The following AGBL4 variants were observed in gnomAD, a reference collection of about 807,000 sequenced individuals.
The protein encoded by AGBL4 is AGBL carboxypeptidase 4.
AGBL4 carries 58 observed loss-of-function variants against 66.4 expected under a neutral mutation model. The ratio of observed to expected loss-of-function variants is 0.87; its 90% CI spans 0.71 to 1.09. AGBL4 has a LOEUF of 1.09. Ranked by LOEUF, AGBL4 falls within the 50% of genes least tolerant of loss-of-function variation. AGBL4 has a pLI of 0.00. For missense variants in AGBL4, 579 were observed against 631.0 expected (o/e 0.92, Z 0.88); for synonymous variants, 234 against 222.9 (o/e 1.05, Z -0.44).
In AGBL4 at chr1:49,948,574, TATATATATAG is replaced by T. The variant is rs1473847923; in HGVS notation, c.34+75179_34+75188del. 5.0e-4 allele frequency among the ~76,000 whole-genome samples: 61 copies of T among 121,634 alleles called. 2 individuals carry two copies. Among genetic ancestry groups the T allele is most frequent in the African/African-American group, 1.9e-3 (56 of 29,448 alleles). The allele number at this position is 121,634 out of a possible 152,430, so 79.8% of individuals were successfully genotyped here. On this transcript the variant is annotated intron_variant, in intron 1 of 13. Coordinates refer to ENST00000371839, the MANE Select transcript of AGBL4 (RefSeq NM_032785.4). ...ATATAAATATATAAAAATATATATATATATATATAGAGAGAGAGAGAGAGAGAGAGAGATA... is the reference window on the plus strand; with the variant it reads ...ATATAAATATATAAAAATATATATATAGAGAGAGAGAGAGAGAGAGAGATA...
At position 49,384,678 on chromosome 1, in the gene AGBL4, G is replaced by A. The variant is rs111448976; in HGVS notation, c.283-138814C>T. ...TTACTCTCATTATCACCAGAGAAAT[G>A]CAAGTCAAAACCACAATACCTATCA... is the stretch of plus-strand genomic sequence containing the variant. On this transcript the variant is annotated intron_variant, in intron 3 of 13. Coordinates refer to ENST00000371839, the MANE Select transcript of AGBL4 (RefSeq NM_032785.4). Among the ~76,000 whole-genome samples the A allele has an allele frequency of 3.6e-3, 551 of 152,240 alleles. 5 individuals carry two copies. Among genetic ancestry groups the A allele is most frequent in the African/African-American group, 0.013 (529 of 41,544 alleles).
At chr1:49,990,481 T>C (rs1659856255) in intron 1 of AGBL4, among the ~76,000 whole-genome samples, 1 of 152,200 alleles carries the variant, frequency 6.6e-6, no homozygotes, top group South Asian at 2.1e-4. Context: ...GCCATGATTA[T>C]AAGTTTCCTG....
intron 6 of AGBL4, among the ~76,000 whole-genome samples, chr1:48,763,086 T>C (rs935356092): frequency 5.3e-5 from 7 of 132,024 alleles, no homozygotes; most frequent in Non-Finnish European, 1.1e-4. Flanking sequence ...ATAAAGTGAA[T>C]AGAGATTTAA....
intron 6 of AGBL4, among the ~76,000 whole-genome samples, chr1:48,777,838 G>T (rs1249411392): frequency 1.3e-5 from 2 of 152,162 alleles, no homozygotes; most frequent in African/African-American, 4.8e-5. Context: ...GGGATTTCTG[G>T]AGCACTTTGA....
rs200191511 is a variant in AGBL4, at chr1:49,825,005, A to G, written c.157+26391T>C. Among the ~76,000 whole-genome samples the G allele has an allele frequency of 2.1e-4, 32 of 152,244 alleles. No individual in the cohort carries two copies. The East Asian group carries it at 3.3e-3, about 16-fold the overall frequency. ...CATAGATTTTTTTTCTCCACTCATA[A>G]TAGAGCCTCTCTTATTTGCTCTGCC... On this transcript the variant is annotated intron_variant, in intron 2 of 13. Coordinates refer to ENST00000371839, the MANE Select transcript of AGBL4 (RefSeq NM_032785.4).
chr1:49,904,820 A>G (rs1650104144), intron 1 of AGBL4, among the ~76,000 whole-genome samples: 1 of 152,212 alleles, frequency 6.6e-6, no homozygotes, highest in South Asian at 2.1e-4. Flanking sequence ...CTCATGCCAC[A>G]TTAGGCAGAA....
At chr1:49,921,601 G>C (rs1041704327) in intron 1 of AGBL4, among the ~76,000 whole-genome samples, 1 of 152,154 alleles carries the variant, frequency 6.6e-6, no homozygotes, top group Non-Finnish European at 1.5e-5. Context: ...CTCAAAAGTA[G>C]TGAAGCCAAC....
chr1:49,286,414 G>C (rs962678740), intron 3 of AGBL4, among the ~76,000 whole-genome samples: 4 of 152,052 alleles, frequency 2.6e-5, no homozygotes, highest in Admixed American at 6.6e-5. Context: ...AAAAGAGGAA[G>C]TCAAATTGTC....
At chr1:49,562,666 A>G (rs1385567333) in intron 3 of AGBL4, among the ~76,000 whole-genome samples, 1 of 152,002 alleles carries the variant, frequency 6.6e-6, no homozygotes, top group Non-Finnish European at 1.5e-5. Flanking sequence ...CCATTGGTCT[A>G]TATCTCTGTT....
intron 2 of AGBL4, among the ~76,000 whole-genome samples, chr1:49,768,008 G>GA (rs1055085197): frequency 2.7e-5 from 4 of 149,156 alleles, no homozygotes; most frequent in East Asian, 2.0e-4. Flanking sequence ...GGATCTCAAA[G>GA]AAAAAAAACA....
intron 7 of AGBL4, among the ~76,000 whole-genome samples, chr1:48,653,939 G>C (rs556866323): frequency 6.6e-5 from 10 of 152,296 alleles, no homozygotes; most frequent in African/African-American, 2.4e-4. Context: ...AAGAAGCAGA[G>C]AGGAAAAGCA....
chr1:49,194,603 T>A (rs1647189472), intron 4 of AGBL4, among the ~76,000 whole-genome samples: 1 of 152,348 alleles, frequency 6.6e-6, no homozygotes, highest in Admixed American at 6.5e-5. Flanking sequence ...TGTTTGTTTT[T>A]TTTTCTAGAC....
At chr1:49,617,560 T>C (rs564704252) in intron 3 of AGBL4, among the ~76,000 whole-genome samples, 1 of 152,340 alleles carries the variant, frequency 6.6e-6, no homozygotes, top group Admixed American at 6.5e-5. Context: ...CAACAAAAAT[T>C]GCCTAAAATG....
At chr1:48,567,484 G>T (rs754482460) in intron 11 of AGBL4, among the ~76,000 whole-genome samples, 1 of 152,156 alleles carries the variant, frequency 6.6e-6, no homozygotes, top group Non-Finnish European at 1.5e-5. Flanking sequence ...AATAATCTAG[G>T]GGCAGCTCTC....
At chr1:49,531,984 CTTT>C (rs1488179613) in intron 3 of AGBL4, among the ~76,000 whole-genome samples, 20 of 152,210 alleles carry the variant, frequency 1.3e-4, no homozygotes, top group African/African-American at 4.6e-4. Flanking sequence ...TCTATTTTGA[CTTT>C]AGTAACTCTC....
chr1:49,674,314 T>G (rs1646538136), intron 3 of AGBL4, among the ~76,000 whole-genome samples: 1 of 151,882 alleles, frequency 6.6e-6, no homozygotes, highest in Non-Finnish European at 1.5e-5. Context: ...TTATTGGTCA[T>G]ATCCTATGTT....
At chr1:49,865,023 C>A (rs1488885821) in intron 1 of AGBL4, among the ~76,000 whole-genome samples, 1 of 152,210 alleles carries the variant, frequency 6.6e-6, no homozygotes, top group Non-Finnish European at 1.5e-5. Context: ...CAGATCCAGA[C>A]CCATCCTTCA....
At chr1:49,078,424 C>A (rs1488660592) in intron 4 of AGBL4, among the ~76,000 whole-genome samples, 2 of 152,158 alleles carry the variant, frequency 1.3e-5, no homozygotes, top group African/African-American at 4.8e-5. Context: ...ATGTCCAAAA[C>A]AGAATTCTTG....
At chr1:48,885,279 C>T (rs974344616) in intron 5 of AGBL4, among the ~76,000 whole-genome samples, 11 of 152,174 alleles carry the variant, frequency 7.2e-5, no homozygotes, top group African/African-American at 2.4e-4. Context: ...AACACAGTTA[C>T]GCTCATTCAT....
Sources: allele counts gnomAD v4.1 joint callset (sites outside exome capture counted in the v4.1 genomes callset), GRCh38; gene constraint gnomAD v4.1.1; transcripts MANE v1.5; gene names NCBI Gene and HGNC (gene_info 2026-07-23, HGNC 2026-07-21).